The following TLE4 variants were observed in gnomAD, a reference collection of about 807,000 sequenced individuals.
TLE4 encodes TLE family member 4, transcriptional corepressor.
Under a neutral mutation model 92.8 loss-of-function variants are expected in TLE4, and 8 were observed. The observed-to-expected ratio is 0.09, with a 90% CI of 0.05 to 0.16. The LOEUF (loss-of-function observed/expected upper bound fraction) is 0.16. Ranked by LOEUF, TLE4 falls within the 10% of genes least tolerant of loss-of-function variation. The pLI, the probability that TLE4 is intolerant of heterozygous loss-of-function variation, is 1.00. For missense variants in TLE4, 675 were observed against 997.6 expected, an observed-to-expected ratio of 0.68 and a Z score of 4.36; for synonymous variants, 371 against 374.1, an observed-to-expected ratio of 0.99 and a Z score of 0.10.
intron 4 of TLE4, among the ~76,000 whole-genome samples, chr9:79,609,928 A>C (rs2047987297): frequency 6.6e-6 from 1 of 152,100 alleles, no homozygotes; most frequent in Non-Finnish European, 1.5e-5. Context: ...AAGACTGGGA[A>C]TATATTGTCT....
At chr9:79,709,255 C>T (rs968008280) in intron 13 of TLE4, among the ~76,000 whole-genome samples, 13 of 151,940 alleles carry the variant, frequency 8.6e-5, no homozygotes, top group Non-Finnish European at 1.8e-4. Context: ...GAAGAAGTTT[C>T]TTTTTTATTT....
At chr9:79,687,648 GCCTCTTCCTTGC>G (rs1406807749) in intron 8 of TLE4, among the ~76,000 whole-genome samples, 1 of 151,938 alleles carries the variant, frequency 6.6e-6, no homozygotes, top group East Asian at 1.9e-4. Flanking sequence ...CCCTTCCTTG[GCCTCTTCCTTGC>G]CCTCTTTTCT....
At chr9:79,596,556 C>G (rs1202789350) in intron 4 of TLE4, among the ~76,000 whole-genome samples, 3 of 152,128 alleles carry the variant, frequency 2.0e-5, no homozygotes, top group Admixed American at 1.3e-4. Context: ...TAGATCTGTT[C>G]CCTAGCCACC....
chr9:79,695,690 A>G (rs982145285), intron 8 of TLE4, among the ~76,000 whole-genome samples: 2 of 152,230 alleles, frequency 1.3e-5, no homozygotes, highest in Admixed American at 1.3e-4. Flanking sequence ...CTGGGAAGGA[A>G]GCACACAAGG....
chr9:79,709,254 T>A (rs2072600367), intron 13 of TLE4, among the ~76,000 whole-genome samples: 1 of 152,204 alleles, frequency 6.6e-6, no homozygotes, highest in African/African-American at 2.4e-5. Context: ...TGAAGAAGTT[T>A]CTTTTTTATT....
At chr9:79,628,442 T>TA (rs1336777141) in intron 6 of TLE4, among the ~76,000 whole-genome samples, 2 of 152,170 alleles carry the variant, frequency 1.3e-5, no homozygotes, top group Non-Finnish European at 2.9e-5. Flanking sequence ...GAAGTGAAGA[T>TA]ATTGCTTCAA....
intron 4 of TLE4, among the ~76,000 whole-genome samples, chr9:79,592,279 T>C (rs2042889291): frequency 6.9e-6 from 1 of 145,564 alleles, no homozygotes; most frequent in African/African-American, 2.5e-5. Flanking sequence ...CTTCTTCTTT[T>C]TTTTTTTTTT....
intron 8 of TLE4, among the ~76,000 whole-genome samples, chr9:79,665,552 GA>G (rs1304575123): frequency 1.3e-5 from 2 of 152,200 alleles, no homozygotes; most frequent in African/African-American, 2.4e-5. Flanking sequence ...GTCTTCCCAG[GA>G]AGCTGCCCGG....
intron 8 of TLE4, among the ~76,000 whole-genome samples, chr9:79,699,284 G>C (rs1485378731): frequency 1.3e-5 from 2 of 152,062 alleles, no homozygotes; most frequent in African/African-American, 4.8e-5. Flanking sequence ...ATCTACAGGG[G>C]CCTTCTTCAG....
chr9:79,654,108 C>T lies in TLE4; in HGVS notation c.609+33C>T, dbSNP rs781664095. 1.5e-5 allele frequency: 24 copies of T among 1,595,728 alleles called. No homozygotes were observed. The East Asian group carries it at 4.5e-4, about 30-fold the overall frequency. On this transcript the variant is annotated intron_variant, in intron 8 of 19. Coordinates refer to ENST00000376552, the MANE Select transcript of TLE4 (RefSeq NM_007005.6). ...TCAAAATTTACAGACTAAGGAATGG[C>T]TTAAAAGGGCTGTAAATGATTTGAA...
At chr9:79,649,976 C>A in intron 6 of TLE4, 4 of 934,184 alleles carry the variant, frequency 4.3e-6, no homozygotes, top group Non-Finnish European at 2.9e-6. Flanking sequence ...GATGCAGTAG[C>A]ACAATCATGG....
intron 8 of TLE4, among the ~76,000 whole-genome samples, chr9:79,656,557 T>C (rs541547257): frequency 4.4e-4 from 67 of 152,350 alleles, no homozygotes; most frequent in Non-Finnish European, 9.0e-4. Context: ...AAATTTTTTA[T>C]AGCTCCTCTA....
chr9:79,621,395 A>G (rs1482479177), intron 5 of TLE4, among the ~76,000 whole-genome samples: 3 of 152,218 alleles, frequency 2.0e-5, no homozygotes, highest in Non-Finnish European at 2.9e-5. Context: ...AATTGAGAAC[A>G]TGCATTATGC....
Position 79,652,636 on chromosome 9 carries a change from C to G in TLE4, c.434C>G (p.Pro145Arg). The change falls in exon 7 of 20, where the codon CCC (proline) becomes CGC (arginine). Residue 145 changes from proline to arginine, a missense_variant. Pro to Arg is a moderately radical substitution (Grantham distance 103). Around this residue, in one of 5 missense-constraint regions of TLE4, gnomAD observed 280 missense variants for 287.3 expected, o/e 0.97. Transcript: ENST00000376552. Reference sequence around the variant, plus strand: ...CATTTATCACATGGACATGGTCTCCCCGTACCTCTGACTCCACACCCTTCA... The same window carrying G: ...CATTTATCACATGGACATGGTCTCCGCGTACCTCTGACTCCACACCCTTCA... ...AQHLSHGHGL[P>R]VPLTPHPSGL... 1.2e-6 allele frequency: 2 copies of G among 1,614,200 alleles called. No individual in the cohort carries two copies. Among genetic ancestry groups the G allele is most frequent in the Non-Finnish European group, 1.7e-6 (2 of 1,180,036 alleles).
At chr9:79,614,715 T>G (rs914962571) in intron 5 of TLE4, among the ~76,000 whole-genome samples, 1 of 152,196 alleles carries the variant, frequency 6.6e-6, no homozygotes, top group African/African-American at 2.4e-5. Flanking sequence ...CCAGGGCCTG[T>G]GGGCCACATG....
chr9:79,608,787 A>G (rs554323796), intron 4 of TLE4, among the ~76,000 whole-genome samples: 5 of 152,210 alleles, frequency 3.3e-5, no homozygotes, highest in African/African-American at 4.8e-5. Flanking sequence ...TTTAAAATCA[A>G]CAATTGCTTT....
chr9:79,589,519 A>G lies in TLE4; in HGVS notation c.252+13342A>G, dbSNP rs557457453. Among the ~76,000 whole-genome samples the G allele has an allele frequency of 1.4e-4, 22 of 151,934 alleles. No individual in the cohort carries two copies. The East Asian group carries it at 3.9e-3, about 27-fold the overall frequency. ...CTTGATTTCCACTGAAAACATCCAG[A>G]TCTTTGTGGTGCTACTACTGCGCAA... On this transcript the variant is annotated intron_variant, in intron 4 of 19. Transcript: ENST00000376552.
In TLE4 at chr9:79,705,231, A is replaced by G. The variant is rs368119616; in HGVS notation, c.729+329A>G. The stretch of plus-strand genomic sequence containing the variant: ...TTAGCTGGAATTGTTAAGCAGAAAA[A>G]TATAAAATCATAAAAAATGTGTTTA... On this transcript the variant is annotated intron_variant, in intron 9 of 19. Transcript: ENST00000376552. Among the ~76,000 whole-genome samples the G allele has an allele frequency of 3.3e-5, 5 of 152,242 alleles. No individual in the cohort carries two copies. The East Asian group carries it at 9.6e-4, about 29-fold the overall frequency.
Position 79,652,758 on chromosome 9 carries a change from G to A in TLE4, c.556G>A (p.Asp186Asn), listed in dbSNP as rs1244333610. The A allele has an allele frequency of 1.2e-6, 2 of 1,614,164 alleles. No homozygotes were observed. The highest frequency in any genetic ancestry group is 2.2e-5 in the East Asian group (1 of 44,870). The change falls in exon 7 of 20, where the codon GAT becomes AAT. Residue 186 changes from aspartate to asparagine, a missense_variant. By Grantham distance (23) the Asp-to-Asn change is conservative (BLOSUM62 1). This residue lies in a region of TLE4 where 280 missense variants were observed against 287.3 expected (regional missense o/e 0.97). Transcript: ENST00000376552. Reference protein sequence around the residue: ...LGGQSHLPIKDEKKHHDNDHQ... With the variant: ...LGGQSHLPIKNEKKHHDNDHQ... Reference sequence around the variant, plus strand: ...AGGTCAGTCCCATCTTCCAATTAAAGATGAGAAGAAGCACCATGACAATGA... The same window carrying A: ...AGGTCAGTCCCATCTTCCAATTAAAAATGAGAAGAAGCACCATGACAATGA...
Sources: allele counts gnomAD v4.1 joint callset (sites outside exome capture counted in the v4.1 genomes callset), GRCh38; gene constraint gnomAD v4.1.1; regional missense constraint gnomAD v4.1.1; transcripts MANE v1.5; gene names NCBI Gene and HGNC (gene_info 2026-07-23, HGNC 2026-07-21).